Variants in IGFL2 observed in about 807,000 individuals in gnomAD.
The protein encoded by IGFL2 is insulin growth factor-like family member 2.
IGFL2 carries 7 observed loss-of-function variants against 13.9 expected under a neutral mutation model. The ratio of observed to expected loss-of-function variants is 0.51; its 90% CI spans 0.29 to 0.95. The LOEUF is 0.95. Among genes scored for constraint, IGFL2 ranks in the 40% least tolerant of loss-of-function variants. The pLI is 0.08. For synonymous variants in IGFL2, 55 were observed against 55.8 expected, an observed-to-expected ratio of 0.99 and a Z score of 0.07; for missense variants, 138 against 147.8, an observed-to-expected ratio of 0.93 and a Z score of 0.34.
chr19:46,081,861 C>G, the IGFL2 span, among the ~76,000 whole-genome samples: 3 of 152,186 alleles, frequency 2.0e-5, no homozygotes, highest in African/African-American at 7.2e-5. Context: ...ATGTCCATCC[C>G]TTGTGGAATT....
At chr19:46,171,281 A>C in the IGFL2 span, among the ~76,000 whole-genome samples, 3 of 152,124 alleles carry the variant, frequency 2.0e-5, no homozygotes, top group Non-Finnish European at 2.9e-5. Flanking sequence ...TGATAGCCTG[A>C]ATGAGTCACT....
the IGFL2 span, chr19:46,204,361 A>T: frequency 2.0e-5 from 3 of 152,394 alleles, no homozygotes; most frequent in Non-Finnish European, 2.9e-5. Flanking sequence ...ACCTGGGTCC[A>T]GTCTAGATGG....
the IGFL2 span, chr19:46,212,427 T>G: frequency 3.9e-5 from 6 of 152,224 alleles, no homozygotes; most frequent in Non-Finnish European, 2.9e-5. Flanking sequence ...CCATACCAGG[T>G]GTGGCCTGTG....
chr19:46,100,504 A>G, the IGFL2 span, among the ~76,000 whole-genome samples: 7 of 152,330 alleles, frequency 4.6e-5, no homozygotes, highest in African/African-American at 9.6e-5. Context: ...GGCAGAGGAA[A>G]AATGTGGGGA....
upstream of IGFL2, among the ~76,000 whole-genome samples, chr19:46,143,421 A>C (rs1027390822): frequency 2.1e-5 from 3 of 144,860 alleles, no homozygotes; most frequent in African/African-American, 5.2e-5. Context: ...TTTTTTTGAG[A>C]CAAGAGTCTC....
chr19:46,092,692 G>C, the IGFL2 span, among the ~76,000 whole-genome samples: 1 of 151,732 alleles, frequency 6.6e-6, no homozygotes, highest in Non-Finnish European at 1.5e-5. Flanking sequence ...TGTTGCCTAG[G>C]CTTGTCTTGA....
chr19:46,159,989 C>A (rs10426568), intron 1 of IGFL2: 2,261 of 198,514 alleles, frequency 0.011, 60 homozygotes, highest in African/African-American at 0.05. Context: ...AGCAAACAAA[C>A]AAAAAAAGAC....
At chr19:46,196,131 AGGC>A in the IGFL2 span, 1 of 157,594 alleles carries the variant, frequency 6.3e-6, no homozygotes, top group Admixed American at 6.5e-5. Flanking sequence ...CTCTGCAGGA[AGGC>A]AGGGCATCCC....
chr19:46,194,382 C>CA, the IGFL2 span, among the ~76,000 whole-genome samples: 4 of 152,134 alleles, frequency 2.6e-5, no homozygotes, highest in Non-Finnish European at 4.4e-5. Context: ...GCCAGGCACC[C>CA]AGAGGCTGCC....
chr19:46,116,892 CTT>C, the IGFL2 span, among the ~76,000 whole-genome samples: 1 of 152,084 alleles, frequency 6.6e-6, no homozygotes, highest in Non-Finnish European at 1.5e-5. Flanking sequence ...TCGAATTTAA[CTT>C]ATATTAAATT....
the IGFL2 span, chr19:46,203,450 G>A: frequency 1.3e-5 from 2 of 152,326 alleles, no homozygotes; most frequent in Non-Finnish European, 2.9e-5. Flanking sequence ...TTGTTCTCCT[G>A]ATTTGAATTT....
the IGFL2 span, chr19:46,120,385 CT>C: frequency 3.1e-6 from 5 of 1,610,208 alleles, no homozygotes; most frequent in Non-Finnish European, 4.2e-6. Flanking sequence ...ATCAAAGTGT[CT>C]TAACAACATA....
At chr19:46,095,542 T>A in the IGFL2 span, among the ~76,000 whole-genome samples, 2 of 152,242 alleles carry the variant, frequency 1.3e-5, no homozygotes, top group Non-Finnish European at 2.9e-5. Context: ...TAGGTGCCAT[T>A]TGTCAATTTT....
At chr19:46,125,468 A>C in the IGFL2 span, among the ~76,000 whole-genome samples, 1 of 152,220 alleles carries the variant, frequency 6.6e-6, no homozygotes, top group South Asian at 2.1e-4. Context: ...AGTGCCAGCT[A>C]GGGAAGGGCT....
chr19:46,128,386 T>C, the IGFL2 span, among the ~76,000 whole-genome samples: 4 of 152,272 alleles, frequency 2.6e-5, no homozygotes, highest in African/African-American at 7.2e-5. Context: ...CTATGTTGAA[T>C]AGGAGCAGTG....
the IGFL2 span, among the ~76,000 whole-genome samples, chr19:46,128,591 T>C: frequency 1.3e-5 from 2 of 152,224 alleles, no homozygotes; most frequent in Non-Finnish European, 2.9e-5. Flanking sequence ...TTTCTGCATC[T>C]ACTGAGATAA....
At chr19:46,138,792 G>C (rs900243844), upstream of IGFL2, among the ~76,000 whole-genome samples, 8 of 152,144 alleles carry the variant, frequency 5.3e-5, no homozygotes, top group African/African-American at 1.7e-4. Context: ...AGAGGCACTC[G>C]TATCAGACTG....
At chr19:46,090,918 C>G in the IGFL2 span, among the ~76,000 whole-genome samples, 1 of 152,090 alleles carries the variant, frequency 6.6e-6, no homozygotes, top group African/African-American at 2.4e-5. Flanking sequence ...GGGTCCAAGG[C>G]AAAATTTTGT....
At chr19:46,205,075 C>G in the IGFL2 span, among the ~76,000 whole-genome samples, 1 of 152,136 alleles carries the variant, frequency 6.6e-6, no homozygotes, top group South Asian at 2.1e-4. Flanking sequence ...GCGTGAGCCA[C>G]CGTGCCCAGC....
Sources: gnomAD v4.1 joint callset for allele counts (sites outside exome capture counted in the v4.1 genomes callset) on GRCh38, gnomAD v4.1.1 for gene constraint, MANE v1.5 for transcripts, NCBI Gene and HGNC (gene_info 2026-07-23, HGNC 2026-07-21) for gene names.